The following CDH9 variants were observed in gnomAD, a reference collection of about 807,000 sequenced individuals.
CDH9 encodes cadherin 9, also known as cadherin-9.
Under a neutral mutation model 70.9 loss-of-function variants are expected in CDH9, and 28 were observed. That is an observed-to-expected ratio of 0.40 (90% CI 0.29 to 0.54). The LOEUF (loss-of-function observed/expected upper bound fraction) is 0.54, where lower values mean the gene tolerates loss of function less well. Among genes scored for constraint, CDH9 ranks in the 20% least tolerant of loss-of-function variants. The pLI, the probability that CDH9 is intolerant of heterozygous loss-of-function variation, is 0.59. For synonymous variants in CDH9, 409 were observed against 343.1 expected, an observed-to-expected ratio of 1.19 and a Z score of -2.12; for missense variants, 874 against 984.4, an observed-to-expected ratio of 0.89 and a Z score of 1.50.
intron 2 of CDH9, among the ~76,000 whole-genome samples, chr5:26,971,405 C>T (rs1742216781): frequency 6.6e-6 from 1 of 152,142 alleles, no homozygotes; most frequent in African/African-American, 2.4e-5. Flanking sequence ...CTATTTCATT[C>T]CAACTTTAGC....
chr5:27,007,927 A>C (rs1481864844), intron 1 of CDH9, among the ~76,000 whole-genome samples: 1 of 152,098 alleles, frequency 6.6e-6, no homozygotes, highest in Admixed American at 6.6e-5. Context: ...TTTCAGGTTA[A>C]ATTTATGGGC....
At chr5:26,957,183 A>G (rs1741961009) in intron 2 of CDH9, among the ~76,000 whole-genome samples, 1 of 152,018 alleles carries the variant, frequency 6.6e-6, no homozygotes, top group South Asian at 2.1e-4. Context: ...AAATTTTAAT[A>G]CCTCATTTTT....
chr5:26,902,903 C>T lies in CDH9; in HGVS notation c.1000-174G>A, dbSNP rs538098753. 6.8e-5 allele frequency: 37 copies of T among 545,064 alleles called. No individual in the cohort carries two copies. In the East Asian group the frequency reaches 1.0e-3, roughly 15 times the overall value. 33.8% of individuals were successfully genotyped at this position (545,064 alleles called of 1,614,324 possible). A position where few individuals can be genotyped will look rare whatever the true frequency, so the allele number is the denominator to read the frequency against. On this transcript the variant is annotated intron_variant, in intron 6 of 11. Coordinates refer to ENST00000231021, the MANE Select transcript of CDH9 (RefSeq NM_016279.4). ...TTATAAATATATGTTTTGCCATACA[C>T]TTATTCACAGAGGGTTAACTTAATA...
At chr5:26,980,607 A>G (rs1310641075) in intron 2 of CDH9, among the ~76,000 whole-genome samples, 1 of 152,018 alleles carries the variant, frequency 6.6e-6, no homozygotes, top group African/African-American at 2.4e-5. Context: ...CAGTTGCAAT[A>G]TTTGTGAATA....
chr5:26,908,540 A>T (rs1421927036), intron 3 of CDH9, among the ~76,000 whole-genome samples: 1 of 152,298 alleles, frequency 6.6e-6, no homozygotes, highest in East Asian at 1.9e-4. Flanking sequence ...TAACATGAAC[A>T]TTATTGTAAG....
chr5:27,038,309 A>C (rs892933583), intron 1 of CDH9, among the ~76,000 whole-genome samples, 154 bp downstream of exon 1: 1 of 151,882 alleles, frequency 6.6e-6, no homozygotes, highest in African/African-American at 2.4e-5. Context: ...CTCAAATACT[A>C]CTAAAATGTA....
intron 1 of CDH9, among the ~76,000 whole-genome samples, chr5:27,022,187 C>T (rs1452081823): frequency 6.6e-6 from 1 of 151,870 alleles, no homozygotes; most frequent in Non-Finnish European, 1.5e-5. Flanking sequence ...ATATCAAGCA[C>T]AGAATTTTGG....
chr5:27,012,587 C>T (rs886114943), intron 1 of CDH9, among the ~76,000 whole-genome samples: 27 of 151,932 alleles, frequency 1.8e-4, no homozygotes, highest in African/African-American at 6.0e-4. Flanking sequence ...TAACATGAGT[C>T]TAATGTACCA....
At chr5:26,959,494 T>G (rs1741998352) in intron 2 of CDH9, among the ~76,000 whole-genome samples, 1 of 152,144 alleles carries the variant, frequency 6.6e-6, no homozygotes, top group Non-Finnish European at 1.5e-5. Context: ...TCAGCAATTC[T>G]ACTTCTTCTT....
At position 26,904,571 on chromosome 5, in the gene CDH9, T is replaced by G. The variant is rs558527423; in HGVS notation, c.812-747A>C. On this transcript the variant is annotated intron_variant, in intron 5 of 11. Coordinates refer to ENST00000231021, the MANE Select transcript of CDH9 (RefSeq NM_016279.4). Reference sequence around the variant, plus strand: ...AAAGGACCAATTTAGCTATATCATCTTCAGGGGCAGGTCTTAAGGAAATTA... The same window carrying G: ...AAAGGACCAATTTAGCTATATCATCGTCAGGGGCAGGTCTTAAGGAAATTA... Among the ~76,000 whole-genome samples the G allele has an allele frequency of 7.9e-5, 12 of 152,198 alleles. No homozygotes were observed. In the South Asian group the frequency reaches 2.1e-3, roughly 26 times the overall value.
intron 5 of CDH9, among the ~76,000 whole-genome samples, chr5:26,905,602 C>T (rs984502791): frequency 3.9e-5 from 6 of 152,092 alleles, no homozygotes; most frequent in Non-Finnish European, 7.4e-5. Flanking sequence ...AGAGCCCACC[C>T]TCCTAACCAA....
intron 2 of CDH9, among the ~76,000 whole-genome samples, chr5:26,946,394 A>G (rs1025320900): frequency 6.6e-5 from 10 of 152,130 alleles, no homozygotes; most frequent in African/African-American, 2.4e-4. Flanking sequence ...GCTCAGACTG[A>G]TGCTATTGGG....
chr5:27,021,452 A>T (rs1240966035), intron 1 of CDH9, among the ~76,000 whole-genome samples: 1 of 151,700 alleles, frequency 6.6e-6, no homozygotes, highest in Non-Finnish European at 1.5e-5. Flanking sequence ...CTTATAAAGG[A>T]GAAAAATCAT....
chr5:26,893,146 A>G (rs1364781484), intron 7 of CDH9, among the ~76,000 whole-genome samples: 2 of 152,214 alleles, frequency 1.3e-5, no homozygotes, highest in East Asian at 3.8e-4. Context: ...TTTAAGAATT[A>G]TGCTGAACTT....
At position 26,915,623 on chromosome 5, in the gene CDH9, T is replaced by C. The variant is rs774487623; in HGVS notation, c.523+7A>G. The C allele has an allele frequency of 7.1e-6, 11 of 1,540,774 alleles. No homozygotes were observed. Among genetic ancestry groups the C allele is most frequent in the East Asian group, 6.7e-5 (3 of 44,538 alleles). Reference sequence around the variant, plus strand: ...AAAGTAGTTTACATGGATTAGAATATACCTACCGACTCCAGACATTTCAGG... The same window carrying C: ...AAAGTAGTTTACATGGATTAGAATACACCTACCGACTCCAGACATTTCAGG... On this transcript the variant is annotated splice_region_variant and intron_variant, in intron 3 of 11. Transcript: ENST00000231021.
intron 2 of CDH9, among the ~76,000 whole-genome samples, chr5:26,964,548 G>T (rs114577105): frequency 0.032 from 4,827 of 152,194 alleles, 270 homozygotes; most frequent in African/African-American, 0.11. Flanking sequence ...TGTTGTAGGA[G>T]ATCATATTTA....
intron 1 of CDH9, chr5:27,028,133 CTTTGGGAAGCTGAAGTGGA>C (rs1561045858): frequency 2.6e-5 from 4 of 152,042 alleles, no homozygotes; most frequent in Non-Finnish European, 5.9e-5. Flanking sequence ...AATCCTAGCA[CTTTGGGAAGCTGAAGTGGA>C]CAGATCACTT....
At chr5:26,910,874 G>A (rs1741041262) in intron 3 of CDH9, among the ~76,000 whole-genome samples, 1 of 152,188 alleles carries the variant, frequency 6.6e-6, no homozygotes, top group African/African-American at 2.4e-5. Context: ...AGGAGCAGGG[G>A]TAAACAGTGC....
At chr5:26,886,436 C>A (rs965134578) in intron 9 of CDH9, among the ~76,000 whole-genome samples, 2 of 152,032 alleles carry the variant, frequency 1.3e-5, no homozygotes, top group African/African-American at 4.8e-5. Flanking sequence ...AATTGATGAG[C>A]AATCTGTTAC....
Sources: gnomAD v4.1 joint callset for allele counts (sites outside exome capture counted in the v4.1 genomes callset) on GRCh38, gnomAD v4.1.1 for gene constraint, MANE v1.5 for transcripts, NCBI Gene and HGNC (gene_info 2026-07-23, HGNC 2026-07-21) for gene names.